HOMER1: variants seen among roughly 807,000 people sequenced by gnomAD.
The protein encoded by HOMER1 is homer scaffold protein 1, also known as homer protein homolog 1.
In HOMER1, 3 loss-of-function variants were observed where a neutral mutation model predicts 48.9. The observed-to-expected ratio is 0.06, with a 90% CI of 0.03 to 0.16. The LOEUF (loss-of-function observed/expected upper bound fraction) is 0.16, where lower values mean the gene tolerates loss of function less well. HOMER1 is among the 10% of genes least tolerant of loss of function. HOMER1 has a pLI of 1.00. For synonymous variants in HOMER1, 134 were observed against 146.4 expected, an observed-to-expected ratio of 0.92 and a Z score of 0.61; for missense variants, 247 against 411.4, an observed-to-expected ratio of 0.60 and a Z score of 3.46.
At chr5:79,421,417 A>C (rs1386733137) in intron 5 of HOMER1, among the ~76,000 whole-genome samples, 1 of 152,242 alleles carries the variant, frequency 6.6e-6, no homozygotes, top group African/African-American at 2.4e-5. Flanking sequence ...ATTCTTAGCT[A>C]TACTACTAAA....
rs189185773 is a variant in HOMER1, at chr5:79,414,950, T to C, written c.528-12895A>G. Among the ~76,000 whole-genome samples the C allele has an allele frequency of 2.0e-5, 3 of 152,352 alleles. No individual in the cohort carries two copies. The East Asian group carries it at 5.8e-4, about 29-fold the overall frequency. On this transcript the variant is annotated intron_variant, in intron 5 of 8. Coordinates refer to ENST00000334082, the MANE Select transcript of HOMER1 (RefSeq NM_004272.5). ...CTATAGTGAACTAGAAATCACTTGG[T>C]CATATTCTAGGAAACACAGTGTTTA...
chr5:79,448,074 G>C (rs1750931407), intron 3 of HOMER1, among the ~76,000 whole-genome samples: 1 of 152,180 alleles, frequency 6.6e-6, no homozygotes, highest in Non-Finnish European at 1.5e-5. Context: ...ATCCTGGCGA[G>C]ATGGAGGAGG....
At position 79,372,703 on chromosome 5, in the gene HOMER1, C is replaced by T. The variant is rs1748667341; in HGVS notation, c.*3306G>A. 1 of 152,148 alleles carries T rather than the reference C, an allele frequency of 6.6e-6. No homozygotes were observed. The highest frequency in any genetic ancestry group is 6.6e-5 in the Admixed American group (1 of 15,262). 9.4% of individuals were successfully genotyped at this position (152,148 alleles called of 1,614,324 possible). A position where few individuals can be genotyped will look rare whatever the true frequency, so the allele number is the denominator to read the frequency against. On this transcript the variant is annotated 3_prime_UTR_variant, in exon 9 of 9. Coordinates refer to ENST00000334082, the MANE Select transcript of HOMER1 (RefSeq NM_004272.5). ...AACAAACTTTCCCCGACCTGCCTCCCATTCCAGTACTGACAAAATCAGGAC... is the reference window on the plus strand; with the variant it reads ...AACAAACTTTCCCCGACCTGCCTCCTATTCCAGTACTGACAAAATCAGGAC...
chr5:79,510,384 T>C (rs1237612696), intron 1 of HOMER1: 1 of 572,248 alleles, frequency 1.7e-6, no homozygotes, highest in Non-Finnish European at 3.3e-6. Context: ...AAATTCATCC[T>C]GTCTCTTCAG....
At chr5:79,419,631 GC>G (rs1285176551) in intron 5 of HOMER1, among the ~76,000 whole-genome samples, 3 of 151,716 alleles carry the variant, frequency 2.0e-5, no homozygotes, top group Admixed American at 2.0e-4. Flanking sequence ...TATCTGCCAT[GC>G]TGAGTATTCT....
At chr5:79,468,976 G>A (rs1751549403) in intron 1 of HOMER1, among the ~76,000 whole-genome samples, 1 of 152,176 alleles carries the variant, frequency 6.6e-6, no homozygotes, top group African/African-American at 2.4e-5. Context: ...ACTCATTTCT[G>A]AGCTTGTTTA....
rs573240973 is a variant in HOMER1, at chr5:79,458,777, T to C, written c.6-1759A>G. Among the ~76,000 whole-genome samples the C allele has an allele frequency of 2.6e-5, 4 of 152,318 alleles. No individual in the cohort carries two copies. In the South Asian group the frequency reaches 8.3e-4, roughly 32 times the overall value. Reference sequence around the variant, plus strand: ...TTAACTGCCACTATATATGGATTCATTTAATAATTATTAACAATCTGGCAA... The same window carrying C: ...TTAACTGCCACTATATATGGATTCACTTAATAATTATTAACAATCTGGCAA... On this transcript the variant is annotated intron_variant, in intron 1 of 8. Coordinates refer to ENST00000334082, the MANE Select transcript of HOMER1 (RefSeq NM_004272.5).
At chr5:79,478,698 T>C (rs1751858972) in intron 1 of HOMER1, among the ~76,000 whole-genome samples, 1 of 152,034 alleles carries the variant, frequency 6.6e-6, no homozygotes, top group Non-Finnish European at 1.5e-5. Flanking sequence ...ATGCCTGTAA[T>C]CCCAGCACTT....
At chr5:79,382,434 C>T (rs1211172610) in intron 8 of HOMER1, among the ~76,000 whole-genome samples, 1 of 152,156 alleles carries the variant, frequency 6.6e-6, no homozygotes, top group East Asian at 1.9e-4. Context: ...AAAGGACCCC[C>T]TTCAGACCAA....
intron 5 of HOMER1, among the ~76,000 whole-genome samples, chr5:79,427,698 TCCTTCCTTCCTTTCCTTC>T: frequency 8.1e-6 from 1 of 123,810 alleles, no homozygotes; most frequent in East Asian, 2.6e-4. Context: ...TTCCTTCCTT[TCCTTCCTTCCTTTCCTTC>T]CCTTCCTTCC....
chr5:79,379,102 A>ATATG (rs1248616289), intron 8 of HOMER1, among the ~76,000 whole-genome samples: 1 of 59,458 alleles, frequency 1.7e-5, no homozygotes, highest in Non-Finnish European at 2.6e-5. Context: ...ATATATATAT[A>ATATG]TATATATATA....
intron 5 of HOMER1, among the ~76,000 whole-genome samples, chr5:79,415,831 G>A (rs1433800630): frequency 2.6e-5 from 4 of 152,078 alleles, no homozygotes; most frequent in Non-Finnish European, 5.9e-5. Context: ...TAAAAGTTCA[G>A]GCTCGAATCT....
intron 1 of HOMER1, among the ~76,000 whole-genome samples, chr5:79,462,938 C>A (rs1751357248): frequency 6.6e-6 from 1 of 152,132 alleles, no homozygotes; most frequent in African/African-American, 2.4e-5. Context: ...GTATCCTTTT[C>A]AGATATGTAA....
At position 79,512,922 on chromosome 5, in the gene HOMER1, T is replaced by G; in HGVS notation, c.-148A>C. 1.4e-6 allele frequency: 1 copy of G among 695,312 alleles called. No individual in the cohort carries two copies. Among genetic ancestry groups the G allele is most frequent in the Non-Finnish European group, 2.6e-6 (1 of 390,190 alleles). The allele number at this position is 695,312 out of a possible 1,614,324, so 43.1% of individuals were successfully genotyped here. On this transcript the variant is annotated 5_prime_UTR_variant, in exon 1 of 9. The change abolishes the stop of an existing upstream ORF in the 5' untranslated region. Transcript: ENST00000334082. ...GAGGTATTTCAAGGATGCTGCCAAT[T>G]CAATTAGTTCTCTTAGGTAAAATGA...
At chr5:79,501,510 T>C (rs949614902) in intron 1 of HOMER1, among the ~76,000 whole-genome samples, 22 of 152,214 alleles carry the variant, frequency 1.4e-4, no homozygotes, top group African/African-American at 5.1e-4. Context: ...TAATGCATTA[T>C]GCGAGACTTA....
At chr5:79,376,729 A>G (rs111631728) in intron 8 of HOMER1, among the ~76,000 whole-genome samples, 1 of 152,218 alleles carries the variant, frequency 6.6e-6, no homozygotes, top group African/African-American at 2.4e-5. Context: ...AAATAAATGT[A>G]TATGTAGAGA....
At chr5:79,424,916 C>T (rs879780897) in intron 5 of HOMER1, among the ~76,000 whole-genome samples, 4 of 151,936 alleles carry the variant, frequency 2.6e-5, no homozygotes, top group Admixed American at 6.6e-5. Context: ...AAACAAAACA[C>T]GGGATGCCAC....
chr5:79,489,969 G>A (rs1211141996), intron 1 of HOMER1, among the ~76,000 whole-genome samples: 1 of 152,192 alleles, frequency 6.6e-6, no homozygotes. Flanking sequence ...ACCTCTAGCA[G>A]AAACTGGCTA....
At chr5:79,484,843 G>A (rs1431633488) in intron 1 of HOMER1, among the ~76,000 whole-genome samples, 1 of 152,160 alleles carries the variant, frequency 6.6e-6, no homozygotes, top group African/African-American at 2.4e-5. Context: ...TATCTGTTAA[G>A]TGAATGAAAT....
Sources: allele counts gnomAD v4.1 joint callset (sites outside exome capture counted in the v4.1 genomes callset), GRCh38; gene constraint gnomAD v4.1.1; transcripts MANE v1.5; gene names NCBI Gene and HGNC (gene_info 2026-07-23, HGNC 2026-07-21).